ACTR3C: variants seen among roughly 807,000 people sequenced by gnomAD.
ACTR3C encodes the protein actin-related protein 3C.
In ACTR3C, 18 loss-of-function variants were observed where a neutral mutation model predicts 26.3. That is an observed-to-expected ratio of 0.68 (90% CI 0.47 to 1.01). ACTR3C has a LOEUF of 1.01. Among genes scored for constraint, ACTR3C ranks in the 50% least tolerant of loss-of-function variants. The probability of loss-of-function intolerance (pLI) is 0.00; values close to 1 mark genes in which losing one functional copy is unlikely to be tolerated. For missense variants in ACTR3C, 184 were observed against 250.7 expected (o/e 0.73, Z 1.80); for synonymous variants, 55 against 94.5 (o/e 0.58, Z 2.42).
chr7:149,952,270 C>A, the ACTR3C span, among the ~76,000 whole-genome samples: 1 of 144,246 alleles, frequency 6.9e-6, no homozygotes, highest in Non-Finnish European at 1.5e-5. Flanking sequence ...TGCCATTCTT[C>A]TAAATCTTTC....
At chr7:150,014,082 G>T in the ACTR3C span, among the ~76,000 whole-genome samples, 2 of 152,162 alleles carry the variant, frequency 1.3e-5, no homozygotes, top group Non-Finnish European at 1.5e-5. Context: ...TAGTCAAAAT[G>T]AGGCCCATGT....
the ACTR3C span, among the ~76,000 whole-genome samples, chr7:149,976,575 G>GAAA: frequency 1.8e-5 from 2 of 109,976 alleles, no homozygotes; most frequent in Non-Finnish European, 1.8e-5. Flanking sequence ...CTCTGTCTCA[G>GAAA]AAAAAAAAAA....
chr7:149,943,556 G>C, the ACTR3C span, among the ~76,000 whole-genome samples: 2 of 151,498 alleles, frequency 1.3e-5, no homozygotes. Context: ...GTGAAACCCG[G>C]TCTCTACTAA....
At chr7:150,107,114 C>G in the ACTR3C span, among the ~76,000 whole-genome samples, 2,132 of 144,672 alleles carry the variant, frequency 0.015, 351 homozygotes, top group African/African-American at 0.054. Flanking sequence ...TGCACACACA[C>G]TCTTTGAGTT....
At chr7:149,905,624 G>A in the ACTR3C span, among the ~76,000 whole-genome samples, 2 of 150,452 alleles carry the variant, frequency 1.3e-5, no homozygotes, top group Non-Finnish European at 3.0e-5. Context: ...CCTCTACAAA[G>A]AGTTCCTATA....
the ACTR3C span, among the ~76,000 whole-genome samples, chr7:150,161,483 C>G: frequency 2.6e-5 from 4 of 151,684 alleles, no homozygotes; most frequent in African/African-American, 9.7e-5. Context: ...TTTGTCCTTG[C>G]GGTAGTTTGC....
the ACTR3C span, among the ~76,000 whole-genome samples, chr7:150,198,451 C>T: frequency 7.0e-6 from 1 of 141,994 alleles, no homozygotes; most frequent in Non-Finnish European, 1.5e-5. Flanking sequence ...GCGTCTCTGC[C>T]CGGCCGCCCA....
At chr7:150,047,625 T>G in the ACTR3C span, 1 of 1,033,690 alleles carries the variant, frequency 9.7e-7, no homozygotes, top group Non-Finnish European at 1.2e-6. Flanking sequence ...CTTGTCACCA[T>G]CGCTCCGCGC....
the ACTR3C span, among the ~76,000 whole-genome samples, chr7:150,046,347 G>GCCCCCCCCCCC: frequency 1.8e-4 from 3 of 16,986 alleles, no homozygotes; most frequent in Admixed American, 9.7e-4. Context: ...ATGTCTCACC[G>GCCCCCCCCCCC]CCCCCCCCCC....
chr7:150,142,966 C>T, the ACTR3C span, among the ~76,000 whole-genome samples: 1 of 151,944 alleles, frequency 6.6e-6, no homozygotes, highest in Non-Finnish European at 1.5e-5. Context: ...TCCCCAGTAG[C>T]TAGGATTACA....
the ACTR3C span, among the ~76,000 whole-genome samples, chr7:150,147,677 G>A: frequency 1.3e-5 from 2 of 152,130 alleles, no homozygotes; most frequent in Non-Finnish European, 1.5e-5. Flanking sequence ...AGCCTGTACT[G>A]TGTGGTGTCT....
chr7:150,251,225 C>T (rs1054720437), intron 6 of ACTR3C, among the ~76,000 whole-genome samples: 1 of 152,184 alleles, frequency 6.6e-6, no homozygotes, highest in African/African-American at 2.4e-5. Context: ...TTGTCCCTAA[C>T]TCTCCTGCCA....
At chr7:149,929,988 C>A in the ACTR3C span, among the ~76,000 whole-genome samples, 3 of 152,336 alleles carry the variant, frequency 2.0e-5, no homozygotes, top group South Asian at 6.2e-4. Context: ...ATCAACAGGA[C>A]TTCTGTGGTA....
chr7:150,143,238 C>T, the ACTR3C span, among the ~76,000 whole-genome samples: 1 of 151,950 alleles, frequency 6.6e-6, no homozygotes, highest in Non-Finnish European at 1.5e-5. Context: ...TCTCCTGAAA[C>T]GCATTTTGTT....
the ACTR3C span, among the ~76,000 whole-genome samples, chr7:149,949,155 A>AAT: frequency 2.2e-3 from 312 of 142,886 alleles, 10 homozygotes; most frequent in Non-Finnish European, 3.1e-3. Flanking sequence ...TTCTCTATTA[A>AAT]ATATATATAT....
At chr7:150,034,235 A>AG in the ACTR3C span, among the ~76,000 whole-genome samples, 6 of 151,714 alleles carry the variant, frequency 4.0e-5, no homozygotes, top group East Asian at 1.9e-4. Flanking sequence ...GCCCTCAAAT[A>AG]GGGGGGCCAT....
chr7:150,261,625 C>A, intron 6 of ACTR3C, among the ~76,000 whole-genome samples: 1 of 152,314 alleles, frequency 6.6e-6, no homozygotes, highest in Middle Eastern at 3.4e-3. Context: ...TTGCTTGAAC[C>A]GGGGAGGCAG....
chr7:149,976,804 T>G, the ACTR3C span, among the ~76,000 whole-genome samples: 3 of 152,076 alleles, frequency 2.0e-5, no homozygotes, highest in Admixed American at 6.5e-5. Flanking sequence ...TTTACAGGAA[T>G]GGTGTGAGGT....
the ACTR3C span, among the ~76,000 whole-genome samples, chr7:150,224,922 A>G: frequency 2.6e-5 from 4 of 151,178 alleles, no homozygotes; most frequent in Non-Finnish European, 5.9e-5. Flanking sequence ...TACTACTCTT[A>G]TTTATTTTTG....
Sources: gnomAD v4.1 joint callset for allele counts (sites outside exome capture counted in the v4.1 genomes callset) on GRCh38, gnomAD v4.1.1 for gene constraint, MANE v1.5 for transcripts, NCBI Gene and HGNC (gene_info 2026-07-23, HGNC 2026-07-21) for gene names.